The following NDST4 variants were observed in gnomAD, a reference collection of about 807,000 sequenced individuals.
NDST4 encodes N-heparan sulfate sulfotransferase 4.
NDST4 carries 63 observed loss-of-function variants against 100.8 expected under a neutral mutation model. The ratio of observed to expected loss-of-function variants is 0.62; its 90% CI spans 0.51 to 0.77. NDST4 has a LOEUF of 0.77. Ranked by LOEUF, NDST4 falls within the 30% of genes least tolerant of loss-of-function variation. The probability of loss-of-function intolerance (pLI) is 0.00; values close to 1 mark genes in which losing one functional copy is unlikely to be tolerated. For missense variants in NDST4, 943 were observed against 1,018.4 expected, an observed-to-expected ratio of 0.93 and a Z score of 1.01; for synonymous variants, 377 against 361.8, an observed-to-expected ratio of 1.04 and a Z score of -0.48.
chr4:114,867,355 C>T (rs1290117590), intron 7 of NDST4, among the ~76,000 whole-genome samples: 1 of 152,110 alleles, frequency 6.6e-6, no homozygotes, highest in African/African-American at 2.4e-5. Flanking sequence ...GGATTAACCA[C>T]CTAAGGTTAG....
At chr4:115,089,244 C>G (rs1729466918) in intron 1 of NDST4, among the ~76,000 whole-genome samples, 1 of 151,880 alleles carries the variant, frequency 6.6e-6, no homozygotes, top group East Asian at 1.9e-4. Context: ...GTTTATATTT[C>G]TATTTCCATG....
At chr4:115,006,711 T>C (rs142301215) in intron 2 of NDST4, among the ~76,000 whole-genome samples, 4,129 of 152,086 alleles carry the variant, frequency 0.027, 97 homozygotes, top group South Asian at 0.048. Context: ...TATATATAAA[T>C]TGTACATAAG....
intron 1 of NDST4, among the ~76,000 whole-genome samples, chr4:115,106,409 G>A (rs1487876602): frequency 6.6e-6 from 1 of 152,008 alleles, no homozygotes; most frequent in Admixed American, 6.6e-5. Context: ...GTCATCTCTT[G>A]TCATAAGGAG....
chr4:115,039,659 C>T (rs937363912), intron 2 of NDST4, among the ~76,000 whole-genome samples: 1 of 151,974 alleles, frequency 6.6e-6, no homozygotes, highest in African/African-American at 2.4e-5. Flanking sequence ...ACACCATGTC[C>T]CATGTCTCTC....
At chr4:115,049,141 T>G (rs573421) in intron 2 of NDST4, among the ~76,000 whole-genome samples, 24,771 of 152,124 alleles carry the variant, frequency 0.16, 2,435 homozygotes, top group East Asian at 0.45. Flanking sequence ...TGCCTCATCT[T>G]TACAGTCAGT....
Position 114,922,450 on chromosome 4 carries a change from G to A in NDST4, c.1536+12756C>T, listed in dbSNP as rs549426053. On this transcript the variant is annotated intron_variant, in intron 6 of 13. Transcript: ENST00000264363. Reference sequence around the variant, plus strand: ...AAATCGGGCGAGAAGTAACACAACCGCAGAAGCATGTCAATGTATAAGATC... The same window carrying A: ...AAATCGGGCGAGAAGTAACACAACCACAGAAGCATGTCAATGTATAAGATC... Among the ~76,000 whole-genome samples the A allele has an allele frequency of 1.2e-4, 18 of 152,264 alleles. No individual in the cohort carries two copies. In the East Asian group the frequency reaches 2.3e-3, roughly 20 times the overall value.
chr4:115,104,457 G>A lies in NDST4; in HGVS notation c.-247+8987C>T, dbSNP rs191105564. 4.8e-3 allele frequency among the ~76,000 whole-genome samples: 730 copies of A among 152,144 alleles called. 4 individuals are homozygous for A. The highest frequency in any genetic ancestry group is 7.3e-3 in the Non-Finnish European group (498 of 67,966). ...TAGCAGTTGGTCAGAAGACCAACTAGGAAACATTTGCATTTGTTTTTATTC... is the reference window on the plus strand; with the variant it reads ...TAGCAGTTGGTCAGAAGACCAACTAAGAAACATTTGCATTTGTTTTTATTC... On this transcript the variant is annotated intron_variant, in intron 1 of 13. Coordinates refer to ENST00000264363, the MANE Select transcript of NDST4 (RefSeq NM_022569.3).
chr4:115,054,974 A>T (rs1728661353), intron 2 of NDST4, among the ~76,000 whole-genome samples: 1 of 152,110 alleles, frequency 6.6e-6, no homozygotes, highest in Non-Finnish European at 1.5e-5. Context: ...GAGGGTGAGC[A>T]GTGGGCCAGT....
chr4:114,879,680 A>T (rs901686394), intron 6 of NDST4, among the ~76,000 whole-genome samples: 5 of 152,168 alleles, frequency 3.3e-5, no homozygotes, highest in African/African-American at 1.2e-4. Flanking sequence ...TGCAAAAAAT[A>T]TTTATTGAAT....
intron 2 of NDST4, among the ~76,000 whole-genome samples, chr4:115,074,947 T>C (rs2126289098): frequency 6.6e-6 from 1 of 152,252 alleles, no homozygotes; most frequent in Non-Finnish European, 1.5e-5. Context: ...GATGAGACAG[T>C]CACAAGTAAA....
Position 115,113,553 on chromosome 4 carries a change from G to A in NDST4, c.-356C>T, listed in dbSNP as rs1729997119. ...CTTGGCTCCAGGTTAATTAGAAGGAGCTTTCAGTTCATGCAATCTGCCTCA... is the reference window on the plus strand; with the variant it reads ...CTTGGCTCCAGGTTAATTAGAAGGAACTTTCAGTTCATGCAATCTGCCTCA... On this transcript the variant is annotated 5_prime_UTR_variant, in exon 1 of 14. Transcript: ENST00000264363. 6.6e-6 allele frequency: 1 copy of A among 151,966 alleles called. No individual in the cohort carries two copies. Among genetic ancestry groups the A allele is most frequent in the African/African-American group, 2.4e-5 (1 of 41,416 alleles). 9.4% of individuals were successfully genotyped at this position (151,966 alleles called of 1,614,324 possible). A position where few individuals can be genotyped will look rare whatever the true frequency, so the allele number is the denominator to read the frequency against.
intron 6 of NDST4, among the ~76,000 whole-genome samples, chr4:114,876,455 A>ATT (rs1187939709): frequency 2.0e-4 from 31 of 152,128 alleles, no homozygotes; most frequent in African/African-American, 7.5e-4. Flanking sequence ...TTTATTCTAA[A>ATT]AATAGTCTGG....
intron 10 of NDST4, 98 bp from the exon 11 acceptor site, chr4:114,839,646 G>A (rs187798275): frequency 1.0e-6 from 1 of 1,003,172 alleles, no homozygotes; most frequent in East Asian, 2.5e-5. Context: ...TGTGTTTGGT[G>A]TGTATGTATA....
chr4:115,079,531 G>C (rs1041442047), intron 1 of NDST4, among the ~76,000 whole-genome samples: 1 of 151,932 alleles, frequency 6.6e-6, no homozygotes, highest in Non-Finnish European at 1.5e-5. Context: ...AATAATTTTC[G>C]ATTTCCCAGT....
intron 4 of NDST4, among the ~76,000 whole-genome samples, chr4:114,950,675 A>G (rs1327374453): frequency 6.6e-6 from 1 of 152,084 alleles, no homozygotes; most frequent in Non-Finnish European, 1.5e-5. Context: ...GAGTACAGTA[A>G]TTGGGCATAG....
At chr4:115,032,330 T>A (rs1437446313) in intron 2 of NDST4, among the ~76,000 whole-genome samples, 1 of 152,168 alleles carries the variant, frequency 6.6e-6, no homozygotes, top group Non-Finnish European at 1.5e-5. Context: ...TCTTTTAATT[T>A]AGTTTTTCAG....
At chr4:114,974,808 A>G (rs1478219963) in intron 3 of NDST4, among the ~76,000 whole-genome samples, 1 of 152,138 alleles carries the variant, frequency 6.6e-6, no homozygotes, top group African/African-American at 2.4e-5. Context: ...ACAGGAAAGA[A>G]TACATGAGAA....
In NDST4 at chr4:114,948,295, C is replaced by T. The variant is rs552907635; in HGVS notation, c.1222-10792G>A. On this transcript the variant is annotated intron_variant, in intron 4 of 13. Coordinates refer to ENST00000264363, the MANE Select transcript of NDST4 (RefSeq NM_022569.3). Reference sequence around the variant, plus strand: ...TCCCTCCCCCACCCCCCAAATACAACGTGTTATTACATTTTGTCCTTTTAT... The same window carrying T: ...TCCCTCCCCCACCCCCCAAATACAATGTGTTATTACATTTTGTCCTTTTAT... Among the ~76,000 whole-genome samples, 5 of 147,134 alleles carry T rather than the reference C, an allele frequency of 3.4e-5. No individual in the cohort carries two copies. The South Asian group carries it at 6.5e-4, about 19-fold the overall frequency.
intron 2 of NDST4, among the ~76,000 whole-genome samples, chr4:114,984,824 C>T (rs1440075999): frequency 6.6e-6 from 1 of 152,100 alleles, no homozygotes; most frequent in Non-Finnish European, 1.5e-5. Context: ...TGCTTCGATA[C>T]TATTTGTAAA....
Sources: allele counts gnomAD v4.1 joint callset (sites outside exome capture counted in the v4.1 genomes callset), GRCh38; gene constraint gnomAD v4.1.1; transcripts MANE v1.5; gene names NCBI Gene and HGNC (gene_info 2026-07-23, HGNC 2026-07-21).